RPTOR: variants seen among roughly 807,000 people sequenced by gnomAD.
RPTOR encodes regulatory-associated protein of mTOR.
RPTOR carries 21 observed loss-of-function variants against 169.9 expected under a neutral mutation model. That is an observed-to-expected ratio of 0.12 (90% CI 0.09 to 0.18). RPTOR has a LOEUF of 0.18. Ranked by LOEUF, RPTOR falls within the 10% of genes least tolerant of loss-of-function variation. RPTOR has a pLI of 1.00. For synonymous variants in RPTOR, 732 were observed against 753.2 expected, an observed-to-expected ratio of 0.97 and a Z score of 0.46; for missense variants, 1,133 against 1,855.9, an observed-to-expected ratio of 0.61 and a Z score of 7.16.
At chr17:80,801,142 G>C (rs886739694) in intron 7 of RPTOR, among the ~76,000 whole-genome samples, 1 of 152,208 alleles carries the variant, frequency 6.6e-6, no homozygotes, top group Admixed American at 6.5e-5. Flanking sequence ...TGCAGAAAAT[G>C]TAAGGAGACC....
intron 5 of RPTOR, among the ~76,000 whole-genome samples, chr17:80,748,615 A>G (rs1311827893): frequency 1.1e-5 from 1 of 88,240 alleles, no homozygotes; most frequent in Non-Finnish European, 2.3e-5. Flanking sequence ...GGATGGAGGG[A>G]CTGTGGTGTG....
At chr17:80,700,563 AGAT>A (rs1415045686) in intron 3 of RPTOR, among the ~76,000 whole-genome samples, 4 of 106,376 alleles carry the variant, frequency 3.8e-5, no homozygotes, top group Admixed American at 2.0e-4. Flanking sequence ...GTGATGGTAG[AGAT>A]GATGGTGATG....
intron 1 of RPTOR, among the ~76,000 whole-genome samples, chr17:80,560,649 G>A (rs928838295): frequency 2.0e-5 from 3 of 152,144 alleles, no homozygotes; most frequent in African/African-American, 7.2e-5. Flanking sequence ...AGGGTCTTCA[G>A]GGAAACGCCA....
intron 3 of RPTOR, among the ~76,000 whole-genome samples, chr17:80,658,160 A>G (rs2143640056): frequency 6.6e-6 from 1 of 152,336 alleles, no homozygotes; most frequent in East Asian, 1.9e-4. Flanking sequence ...TAAACCCCAC[A>G]GTATACAGTC....
At chr17:80,785,910 G>C (rs977509978) in intron 6 of RPTOR, among the ~76,000 whole-genome samples, 2 of 152,192 alleles carry the variant, frequency 1.3e-5, no homozygotes, top group African/African-American at 4.8e-5. Flanking sequence ...AGAGCAGGGG[G>C]GTGCCACACT....
At position 80,936,427 on chromosome 17, in the gene RPTOR, C is replaced by T. The variant is rs796554219; in HGVS notation, c.2920-4069C>T. ...TGTTTATAGTGACTGTATTCATAGT[C>T]ACCAAAAACTGGAAACAACCCAAGT... On this transcript the variant is annotated intron_variant, in intron 24 of 33. Transcript: ENST00000306801. This position sits in a 1 kb window ranked among gnomAD's most constrained non-coding sequence, Gnocchi z 4.1. Among the ~76,000 whole-genome samples the T allele has an allele frequency of 6.6e-6, 1 of 152,200 alleles. No homozygotes were observed. Among genetic ancestry groups the T allele is most frequent in the African/African-American group, 2.4e-5 (1 of 41,442 alleles).
intron 1 of RPTOR, among the ~76,000 whole-genome samples, chr17:80,546,846 A>G (rs1392244458): frequency 6.6e-6 from 1 of 152,126 alleles, no homozygotes; most frequent in Non-Finnish European, 1.5e-5. Flanking sequence ...AGGCAGGCGG[A>G]TCACCTGAGG....
chr17:80,781,169 G>C (rs562172790), intron 6 of RPTOR, among the ~76,000 whole-genome samples: 3 of 152,206 alleles, frequency 2.0e-5, no homozygotes, highest in African/African-American at 7.2e-5. Flanking sequence ...CAGATCCTCC[G>C]GTGACATTGC....
chr17:80,784,079 C>T (rs1344155725), intron 6 of RPTOR, among the ~76,000 whole-genome samples: 5 of 152,052 alleles, frequency 3.3e-5, no homozygotes, highest in Admixed American at 2.6e-4. Flanking sequence ...TGAGCTCAAA[C>T]GATCCTCCTG....
chr17:80,911,763 C>T (rs773622250), intron 21 of RPTOR, among the ~76,000 whole-genome samples: 10 of 152,120 alleles, frequency 6.6e-5, no homozygotes, highest in Non-Finnish European at 1.5e-4. Context: ...TCATCCTGGG[C>T]GGCAGAGTGA....
intron 22 of RPTOR, among the ~76,000 whole-genome samples, chr17:80,923,207 C>G (rs1393949062): frequency 6.6e-6 from 1 of 152,252 alleles, no homozygotes. Context: ...CATCCCGGCC[C>G]ACTCGACTCT....
chr17:80,961,267 G>A, intron 30 of RPTOR, 127 bp from the exon 31 acceptor site: 1 of 794,592 alleles, frequency 1.3e-6, no homozygotes, highest in East Asian at 2.7e-5. Context: ...CCCTCGTGGG[G>A]AGCGGACGGG....
At chr17:80,925,557 C>CAAAG in intron 24 of RPTOR, 77 bp downstream of exon 24, 2 of 1,205,820 alleles carry the variant, frequency 1.7e-6, no homozygotes, top group Non-Finnish European at 2.4e-6. Context: ...CATAAACGCT[C>CAAAG]AAGGCTTGTG....
At chr17:80,885,491 C>G (rs1049749003) in intron 17 of RPTOR, among the ~76,000 whole-genome samples, 1 of 150,852 alleles carries the variant, frequency 6.6e-6, no homozygotes, top group African/African-American at 2.4e-5. Flanking sequence ...GGGTCCCCCC[C>G]AACACCCCAT....
chr17:80,955,378 G>C (rs1433126698), intron 28 of RPTOR, among the ~76,000 whole-genome samples: 1 of 152,228 alleles, frequency 6.6e-6, no homozygotes, highest in Non-Finnish European at 1.5e-5. Context: ...ATGCCATATA[G>C]AAAAGGATGC....
At chr17:80,930,124 C>G (rs1019058002) in intron 24 of RPTOR, among the ~76,000 whole-genome samples, 1 of 140,964 alleles carries the variant, frequency 7.1e-6, no homozygotes, top group Non-Finnish European at 1.6e-5. Context: ...CTCAACTCAT[C>G]CCCAGCTGCT....
In RPTOR at chr17:80,962,014, G is replaced by C. The variant is rs1373085973; in HGVS notation, c.3693-447G>C. On this transcript the variant is annotated intron_variant, in intron 31 of 33. Transcript: ENST00000306801. ...TAACTCTTGGGATGGACGCCTGCTG[G>C]GGGTGGAAGGCAGGAGCCACGGGGC... Among the ~76,000 whole-genome samples, 4 of 152,210 alleles carry C rather than the reference G, an allele frequency of 2.6e-5. No individual in the cohort carries two copies. In the East Asian group the frequency reaches 7.7e-4, roughly 29 times the overall value.
intron 7 of RPTOR, chr17:80,802,015 G>A (rs7214338): frequency 0.21 from 31,409 of 152,190 alleles, 3,468 homozygotes; most frequent in African/African-American, 0.27. Context: ...CTTCGTGTTC[G>A]ATGTGCACCC....
chr17:80,759,765 G>C (rs1244113541), intron 6 of RPTOR, among the ~76,000 whole-genome samples: 1 of 151,110 alleles, frequency 6.6e-6, no homozygotes, highest in African/African-American at 2.4e-5. Flanking sequence ...TTTTCATTTT[G>C]AAAAGTCAAT....
Sources: gnomAD v4.1 joint callset for allele counts (sites outside exome capture counted in the v4.1 genomes callset) on GRCh38, gnomAD v4.1.1 for gene constraint, Gnocchi (gnomAD v3.1) non-coding constraint, MANE v1.5 for transcripts, NCBI Gene and HGNC (gene_info 2026-07-23, HGNC 2026-07-21) for gene names.